PCDHB10: variants seen among roughly 807,000 people sequenced by gnomAD.
The protein encoded by PCDHB10 is protocadherin beta 10, also known as protocadherin beta-10.
For missense variants in PCDHB10, 1,046 were observed against 1,004.7 expected (o/e 1.04, Z -0.56); for synonymous variants, 448 against 449.2 (o/e 1.00, Z 0.04).
In PCDHB10 at chr5:141,193,513, G is replaced by A. The variant is rs782048683; in HGVS notation, c.961G>A (p.Ala321Thr). 8.7e-6 allele frequency: 14 copies of A among 1,613,962 alleles called. No homozygotes were observed. The highest frequency in any genetic ancestry group is 1.2e-5 in the Non-Finnish European group (14 of 1,180,026). The change falls in exon 1 of 1, where the codon GCA (alanine) becomes ACA (threonine). Residue 321 changes from alanine (A) to threonine (T), a missense_variant. By Grantham distance (58) the Ala-to-Thr change is moderately conservative. Transcript: ENST00000239446. ...AAATTCTTACAAAATAAATATACAG[G>A]CAATGGACGGTGGAGGCCTTTCTGC... The part of the protein sequence containing the change: ...LVNSYKINIQ[A>T]MDGGGLSARC...
At position 141,193,558 on chromosome 5, in the gene PCDHB10, G is replaced by C. The variant is rs782459466; in HGVS notation, c.1006G>C (p.Glu336Gln). ...GLSARCRVLV[E>Q]VLDTNDNPPE... is the part of the protein sequence containing the mutation. ...TTCTGCAAGATGTAGGGTTTTAGTG[G>C]AAGTATTGGACACCAATGACAATCC... Residue 336 changes from glutamate (E) to glutamine (Q), a missense_variant, in exon 1 of 1, where the codon GAA (glutamate) becomes CAA (glutamine). Transcript: ENST00000239446. 27 of 1,613,974 alleles carry C rather than the reference G, an allele frequency of 1.7e-5. No individual in the cohort carries two copies. Among genetic ancestry groups the C allele is most frequent in the Non-Finnish European group, 2.2e-5 (26 of 1,180,008 alleles).
chr5:141,193,267 G>GC lies in PCDHB10; in HGVS notation c.719dup (p.Gln241ThrfsTer8), dbSNP rs1320399962. The GC allele has an allele frequency of 6.2e-7, 1 of 1,614,078 alleles. No individual in the cohort carries two copies. Among genetic ancestry groups the GC allele is most frequent in the Non-Finnish European group, 8.5e-7 (1 of 1,180,026 alleles). On this transcript the variant is annotated frameshift_variant, in exon 1 of 1. Coordinates refer to ENST00000239446, the MANE Select transcript of PCDHB10 (RefSeq NM_018930.4). LOFTEE classifies it low-confidence loss of function (END_TRUNC). The stretch of plus-strand genomic sequence containing the variant: ...CGTTGTCTTGGACGTCAATGACAAT[G>GC]CCCCACAGTTTGCCCAGGCTCTGTA...
rs74858509 is a variant in PCDHB10, at chr5:141,193,644, G to T, written c.1092G>T (p.Pro364=). ...NSVAENSPET[P]LAVFKINDRD... ...TTGCTGAGAATTCTCCTGAGACGCCGCTGGCTGTTTTTAAGATTAATGACA... is the reference window on the plus strand; with the variant it reads ...TTGCTGAGAATTCTCCTGAGACGCCTCTGGCTGTTTTTAAGATTAATGACA... The change falls in exon 1 of 1, where the codon CCG becomes CCT. Residue 364 remains proline (P), a synonymous_variant. Transcript: ENST00000239446. 614 of 1,614,068 alleles carry T rather than the reference G, an allele frequency of 3.8e-4. 6 individuals carry two copies. In the African/African-American group the frequency reaches 7.4e-3, roughly 20 times the overall value.
In PCDHB10 at chr5:141,194,853, GT is replaced by G. The variant is rs1554284542; in HGVS notation, c.2303del (p.Phe768SerfsTer2). 4.3e-6 allele frequency: 7 copies of G among 1,614,070 alleles called. No individual in the cohort carries two copies. The highest frequency in any genetic ancestry group is 5.9e-6 in the Non-Finnish European group (7 of 1,180,036). On this transcript the variant is annotated frameshift_variant, in exon 1 of 1. Transcript: ENST00000239446. LOFTEE classifies it low-confidence loss of function (END_TRUNC). ...GAGGCCCCGGGACCAGTGAGTTCAA[GT>G]TCTTGAAACCAGTTATTTCGGATAT... ...TGGPGTSEFKFLKPVISDIQA... is the reference protein window; with the variant it reads ...TGGPGTSEFKXLKPVISDIQA...
In PCDHB10 at chr5:141,193,919, A is replaced by T; in HGVS notation, c.1367A>T (p.Tyr456Phe). 1 of 1,612,878 alleles carries T rather than the reference A, an allele frequency of 6.2e-7. No homozygotes were observed. Among genetic ancestry groups the T allele is most frequent in the Middle Eastern group, 1.9e-4 (1 of 5,400 alleles). The change falls in exon 1 of 1, where the codon TAC (tyrosine) becomes TTC (phenylalanine). Residue 456 changes from tyrosine (Y) to phenylalanine (F), a missense_variant. Coordinates refer to ENST00000239446, the MANE Select transcript of PCDHB10 (RefSeq NM_018930.4). ...DNAPAFTQTS[Y>F]TLFVRENNSP... ...GCCCCCGCCTTCACCCAAACCTCCT[A>T]CACCCTGTTCGTCCGCGAGAACAAC... is the stretch of plus-strand genomic sequence containing the variant.
chr5:141,192,793 A>G lies in PCDHB10; in HGVS notation c.241A>G (p.Thr81Ala), dbSNP rs1554283885. The change falls in exon 1 of 1, where the codon ACC (threonine) becomes GCC (alanine). Residue 81 changes from threonine (T) to alanine (A), a missense_variant. Coordinates refer to ENST00000239446, the MANE Select transcript of PCDHB10 (RefSeq NM_018930.4). ...ACAATACCTGCTCCTGGATTCACAT[A>G]CCGGGAATTTGCTCACAAATGAGAA... is the stretch of plus-strand genomic sequence containing the variant. ...NKQYLLLDSH[T>A]GNLLTNEKLD... 1.9e-6 allele frequency: 3 copies of G among 1,608,372 alleles called. No individual in the cohort carries two copies. The highest frequency in any genetic ancestry group is 1.3e-5 in the African/African-American group (1 of 74,600).
chr5:141,193,291 T>C lies in PCDHB10; in HGVS notation c.739T>C (p.Tyr247His), dbSNP rs1753952182. 5 of 1,613,956 alleles carry C rather than the reference T, an allele frequency of 3.1e-6. No homozygotes were observed. The highest frequency in any genetic ancestry group is 4.2e-6 in the Non-Finnish European group (5 of 1,180,038). Reference sequence around the variant, plus strand: ...TGCCCCACAGTTTGCCCAGGCTCTGTATGAGACCCAGGCTCCAGAAAACAG... The same window carrying C: ...TGCCCCACAGTTTGCCCAGGCTCTGCATGAGACCCAGGCTCCAGAAAACAG... ...DNAPQFAQAL[Y>H]ETQAPENSPI... is the part of the protein sequence containing the mutation. The change falls in exon 1 of 1, where the codon TAT becomes CAT. Residue 247 changes from tyrosine (Y) to histidine (H), a missense_variant. Tyr to His is a moderately conservative substitution (Grantham distance 83). Coordinates refer to ENST00000239446, the MANE Select transcript of PCDHB10 (RefSeq NM_018930.4).
Position 141,194,259 on chromosome 5 carries a change from C to A in PCDHB10, c.1707C>A (p.Ser569=). ...TGCTGTACCCGCTGCAGAACGGCTC[C>A]GCGCCCTGCACCGAGCTGGTGCCCC... ...PFVLYPLQNG[S]APCTELVPRA... Residue 569 remains serine, a synonymous_variant, in exon 1 of 1, where the codon TCC becomes TCA. Coordinates refer to ENST00000239446, the MANE Select transcript of PCDHB10 (RefSeq NM_018930.4). 6.2e-7 allele frequency: 1 copy of A among 1,605,854 alleles called. No homozygotes were observed. Among genetic ancestry groups the A allele is most frequent in the Non-Finnish European group, 8.5e-7 (1 of 1,178,352 alleles).
Position 141,192,971 on chromosome 5 carries a change from T to C in PCDHB10, c.419T>C (p.Leu140Ser), listed in dbSNP as rs13361112. Residue 140 changes from leucine (L) to serine (S), a missense_variant, in exon 1 of 1, where the codon TTA becomes TCA. Leu to Ser is a moderately radical substitution (Grantham distance 145, BLOSUM62 -2). Coordinates refer to ENST00000239446, the MANE Select transcript of PCDHB10 (RefSeq NM_018930.4). ...APVFQDKETV[L>S]KISENTAEGT... Reference sequence around the variant, plus strand: ...GTATTTCAGGACAAAGAAACAGTCTTAAAAATATCAGAAAATACAGCTGAA... The same window carrying C: ...GTATTTCAGGACAAAGAAACAGTCTCAAAAATATCAGAAAATACAGCTGAA... The C allele has an allele frequency of 6.2e-7, 1 of 1,614,110 alleles. No individual in the cohort carries two copies. The highest frequency in any genetic ancestry group is 1.3e-5 in the African/African-American group (1 of 74,988).
Position 141,194,100 on chromosome 5 carries a change from C to T in PCDHB10, c.1548C>T (p.Leu516=), listed in dbSNP as rs369832636. The change falls in exon 1 of 1, where the codon CTC becomes CTT. Residue 516 remains leucine, a synonymous_variant. Coordinates refer to ENST00000239446, the MANE Select transcript of PCDHB10 (RefSeq NM_018930.4). ...INADNGHLFA[L]RSLDYEALQA... ...CGGACAACGGCCACCTGTTCGCCCT[C>T]AGGTCGCTGGACTACGAGGCCCTGC... 2.5e-5 allele frequency: 40 copies of T among 1,605,846 alleles called. No individual in the cohort carries two copies. In the African/African-American group the frequency reaches 4.4e-4, roughly 18 times the overall value.
rs200137152 is a variant in PCDHB10 at position 141,192,925 on chromosome 5, G to A, written c.373G>A (p.Asp125Asn). 8.1e-5 allele frequency: 130 copies of A among 1,614,020 alleles called. 1 individual carries two copies. The South Asian group carries it at 1.4e-3, about 17-fold the overall frequency. Residue 125 changes from aspartate (D) to asparagine (N), a missense_variant, in exon 1 of 1, where the codon GAT becomes AAT. Transcript: ENST00000239446. ...TTACCGGGCTGAGCTGAGAGTCAGGGATATAAATGATCACGCGCCAGTATT... is the reference window on the plus strand; with the variant it reads ...TTACCGGGCTGAGCTGAGAGTCAGGAATATAAATGATCACGCGCCAGTATT... ...QIYRAELRVR[D>N]INDHAPVFQD...
At position 141,195,638 on chromosome 5, in the gene PCDHB10, G is replaced by T. The variant is rs629168; in HGVS notation, c.*683G>T. On this transcript the variant is annotated 3_prime_UTR_variant, in exon 1 of 1. Transcript: ENST00000239446. The stretch of plus-strand genomic sequence containing the variant: ...GAATAAAAATAAAACATTTTGAAAT[G>T]TGTGGTTGAGATTGCTGGAGATATT... The T allele has an allele frequency of 0.6, 98,041 of 163,502 alleles. 29,513 individuals carry two copies. Among genetic ancestry groups the T allele is most frequent in the African/African-American group, 0.66 (27,394 of 41,364 alleles). The allele number at this position is 163,502 out of a possible 1,614,324, so 10.1% of individuals were successfully genotyped here.
In PCDHB10 at chr5:141,193,238, G is replaced by C; in HGVS notation, c.686G>C (p.Arg229Pro). 1 of 1,614,068 alleles carries C rather than the reference G, an allele frequency of 6.2e-7. No homozygotes were observed. Among genetic ancestry groups the C allele is most frequent in the East Asian group, 2.2e-5 (1 of 44,864 alleles). Residue 229 changes from arginine to proline, a missense_variant, in exon 1 of 1, where the codon CGC (arginine) becomes CCC (proline). Arg to Pro is a moderately radical substitution (Grantham distance 103). Coordinates refer to ENST00000239446, the MANE Select transcript of PCDHB10 (RefSeq NM_018930.4). Reference protein sequence around the residue: ...SPSRSGTSTVRIVVLDVNDNA... With the variant: ...SPSRSGTSTVPIVVLDVNDNA... ...TCCAGGTCTGGGACCTCTACTGTACGCATCGTTGTCTTGGACGTCAATGAC... is the reference window on the plus strand; with the variant it reads ...TCCAGGTCTGGGACCTCTACTGTACCCATCGTTGTCTTGGACGTCAATGAC...
At position 141,192,912 on chromosome 5, in the gene PCDHB10, G is replaced by A. The variant is rs146348972; in HGVS notation, c.360G>A (p.Glu120=). 338 of 1,613,994 alleles carry A rather than the reference G, an allele frequency of 2.1e-4. No individual in the cohort carries two copies. Among genetic ancestry groups the A allele is most frequent in the Non-Finnish European group, 2.8e-4 (325 of 1,180,044 alleles). ...MDDPFQIYRA[E]LRVRDINDHA... is the part of the protein sequence containing the mutation. Reference sequence around the variant, plus strand: ...ATCCCTTTCAGATTTACCGGGCTGAGCTGAGAGTCAGGGATATAAATGATC... The same window carrying A: ...ATCCCTTTCAGATTTACCGGGCTGAACTGAGAGTCAGGGATATAAATGATC... The change falls in exon 1 of 1, where the codon GAG becomes GAA. Residue 120 remains glutamate, a synonymous_variant. Transcript: ENST00000239446.
At position 141,192,742 on chromosome 5, in the gene PCDHB10, A is replaced by G. The variant is rs1554283868; in HGVS notation, c.190A>G (p.Thr64Ala). 4 of 1,610,094 alleles carry G rather than the reference A, an allele frequency of 2.5e-6. No individual in the cohort carries two copies. The highest frequency in any genetic ancestry group is 3.4e-6 in the Non-Finnish European group (4 of 1,177,462). The change falls in exon 1 of 1, where the codon ACC becomes GCC. Residue 64 changes from threonine (T) to alanine (A), a missense_variant. Transcript: ENST00000239446. Reference sequence around the variant, plus strand: ...AGAGGGGGAGCTGGCTGCAAGGGGAACCAGGGTGGTTTCCGATGATAACAA... The same window carrying G: ...AGAGGGGGAGCTGGCTGCAAGGGGAGCCAGGGTGGTTTCCGATGATAACAA... ...LAEGELAARGTRVVSDDNKQY... is the reference protein window; with the variant it reads ...LAEGELAARGARVVSDDNKQY...
rs781798295 is a variant in PCDHB10, at chr5:141,192,521, T to A, written c.-32T>A. 21 of 1,600,880 alleles carry A rather than the reference T, an allele frequency of 1.3e-5. No individual in the cohort carries two copies. The highest frequency in any genetic ancestry group is 1.8e-5 in the Non-Finnish European group (21 of 1,173,764). Reference sequence around the variant, plus strand: ...TCTTTTATGCTGGGAGCTGTGGCTGTAACCAACTAGGAAATAACGTATGCA... The same window carrying A: ...TCTTTTATGCTGGGAGCTGTGGCTGAAACCAACTAGGAAATAACGTATGCA... On this transcript the variant is annotated 5_prime_UTR_variant, in exon 1 of 1. Transcript: ENST00000239446.
In PCDHB10 at chr5:141,194,169, C is replaced by A. The variant is rs17844580; in HGVS notation, c.1617C>A (p.Pro539=). The stretch of plus-strand genomic sequence containing the variant: ...TGGGCGCCACAGACCGCGGCTCCCC[C>A]GCGCTGAGCAGAGAGGCGCTGGTGC... ...FRVGATDRGS[P]ALSREALVRV... Residue 539 remains proline, a synonymous_variant, in exon 1 of 1, where the codon CCC becomes CCA. Coordinates refer to ENST00000239446, the MANE Select transcript of PCDHB10 (RefSeq NM_018930.4). 7 of 1,603,950 alleles carry A rather than the reference C, an allele frequency of 4.4e-6. No individual in the cohort carries two copies. Among genetic ancestry groups the A allele is most frequent in the East Asian group, 2.2e-5 (1 of 44,744 alleles).
At position 141,192,469 on chromosome 5, in the gene PCDHB10, C is replaced by G; in HGVS notation, c.-84C>G. ...CAAAAAAGACCCCTGGGCTACACGG[C>G]GTAGGTGCAGGGTTTCCTACTGCTG... On this transcript the variant is annotated 5_prime_UTR_variant, in exon 1 of 1. Coordinates refer to ENST00000239446, the MANE Select transcript of PCDHB10 (RefSeq NM_018930.4). 1 of 1,514,502 alleles carries G rather than the reference C, an allele frequency of 6.6e-7. No individual in the cohort carries two copies. Among genetic ancestry groups the G allele is most frequent in the Middle Eastern group, 1.8e-4 (1 of 5,636 alleles). The allele number at this position is 1,514,502 out of a possible 1,614,324, so 93.8% of individuals were successfully genotyped here.
Position 141,193,600 on chromosome 5 carries a change from T to A in PCDHB10, c.1048T>A (p.Ser350Thr). Residue 350 changes from serine (S) to threonine (T), a missense_variant, in exon 1 of 1, where the codon TCA becomes ACA. Transcript: ENST00000239446. Reference protein sequence around the residue: ...TNDNPPELIVSSFSNSVAENS... With the variant: ...TNDNPPELIVTSFSNSVAENS... ...TGACAATCCCCCTGAACTGATCGTA[T>A]CATCATTTTCCAACTCTGTTGCTGA... 6.2e-7 allele frequency: 1 copy of A among 1,614,106 alleles called. No individual in the cohort carries two copies. Among genetic ancestry groups the A allele is most frequent in the African/African-American group, 1.3e-5 (1 of 74,994 alleles).
Sources: gnomAD v4.1 joint callset for allele counts on GRCh38, gnomAD v4.1.1 for gene constraint, MANE v1.5 for transcripts, NCBI Gene and HGNC (gene_info 2026-07-23, HGNC 2026-07-21) for gene names.